The following PDS5B variants were observed in gnomAD, a reference collection of about 807,000 sequenced individuals.
PDS5B encodes the protein sister chromatid cohesion protein PDS5 homolog B.
In PDS5B, 51 loss-of-function variants were observed where a neutral mutation model predicts 184.1. The ratio of observed to expected loss-of-function variants is 0.28; its 90% CI spans 0.22 to 0.35. The LOEUF (loss-of-function observed/expected upper bound fraction) is 0.35, where lower values mean the gene tolerates loss of function less well. Among genes scored for constraint, PDS5B ranks in the 10% least tolerant of loss-of-function variants. The pLI is 1.00. For missense variants in PDS5B, 1,180 were observed against 1,723.3 expected (o/e 0.68, Z 5.58); for synonymous variants, 566 against 569.2 (o/e 0.99, Z 0.08).
chr13:32,613,242 TG>T (rs1314626132), intron 1 of PDS5B, among the ~76,000 whole-genome samples: 1 of 152,232 alleles, frequency 6.6e-6, no homozygotes, highest in Non-Finnish European at 1.5e-5. Context: ...TTCTTTCTCT[TG>T]GGTATAAACA....
rs1555312887 is a variant in PDS5B at position 32,734,015 on chromosome 13, A to ACACACACAC, written c.2248-1157_2248-1156insCACACACAC. On this transcript the variant is annotated intron_variant, in intron 20 of 34. Coordinates refer to ENST00000315596, the MANE Select transcript of PDS5B (RefSeq NM_015032.4). Reference sequence around the variant, plus strand: ...ACACACACACACACACACACACACAAACATATATTTTGTTTTCTTTTTTTT... The same window carrying ACACACACAC: ...ACACACACACACACACACACACACAACACACACACACATATATTTTGTTTTCTTTTTTTT... 6.8e-3 allele frequency among the ~76,000 whole-genome samples: 396 copies of ACACACACAC among 58,140 alleles called. 2 individuals are homozygous for ACACACACAC. Among genetic ancestry groups the ACACACACAC allele is most frequent in the African/African-American group, 0.047 (386 of 8,166 alleles). 38.1% of individuals were successfully genotyped at this position (58,140 alleles called of 152,430 possible). A position where few individuals can be genotyped will look rare whatever the true frequency, so the allele number is the denominator to read the frequency against.
At chr13:32,634,008 C>T (rs1304965720) in intron 1 of PDS5B, among the ~76,000 whole-genome samples, 1 of 152,124 alleles carries the variant, frequency 6.6e-6, no homozygotes, top group Non-Finnish European at 1.5e-5. Flanking sequence ...CTAAACTATA[C>T]TTCTCTCCTG....
chr13:32,624,613 T>C (rs2140547662), intron 1 of PDS5B, among the ~76,000 whole-genome samples: 1 of 152,230 alleles, frequency 6.6e-6, no homozygotes, highest in South Asian at 2.1e-4. Flanking sequence ...TCACTCTTGG[T>C]GTTTGGTTTT....
intron 1 of PDS5B, among the ~76,000 whole-genome samples, chr13:32,594,575 A>G (rs1368389531): frequency 6.6e-6 from 1 of 152,204 alleles, no homozygotes; most frequent in Non-Finnish European, 1.5e-5. Context: ...AGAGTACAGG[A>G]ACTATGAAAA....
intron 19 of PDS5B, among the ~76,000 whole-genome samples, chr13:32,724,846 C>G (rs1475876798): frequency 1.3e-5 from 2 of 152,186 alleles, no homozygotes; most frequent in Admixed American, 6.5e-5. Context: ...TCCCACAGTT[C>G]TGGGATTACA....
chr13:32,597,904 A>AT (rs751316988), intron 1 of PDS5B, among the ~76,000 whole-genome samples: 9 of 151,496 alleles, frequency 5.9e-5, no homozygotes, highest in East Asian at 5.8e-4. Context: ...AAAATGATGA[A>AT]TTTTTTTTTA....
chr13:32,596,245 C>G (rs1042658680), intron 1 of PDS5B, among the ~76,000 whole-genome samples: 1 of 152,202 alleles, frequency 6.6e-6, no homozygotes, highest in Non-Finnish European at 1.5e-5. Flanking sequence ...TCCAAACACT[C>G]TTTGATTTTT....
At chr13:32,714,199 C>T (rs1593489304) in intron 19 of PDS5B, among the ~76,000 whole-genome samples, 1 of 152,306 alleles carries the variant, frequency 6.6e-6, no homozygotes, top group South Asian at 2.1e-4. Flanking sequence ...GACCACAGGA[C>T]AGAGGCAAAA....
chr13:32,696,165 T>A (rs915584196), intron 14 of PDS5B, among the ~76,000 whole-genome samples: 1 of 152,138 alleles, frequency 6.6e-6, no homozygotes, highest in African/African-American at 2.4e-5. Context: ...TTTGTGTATT[T>A]ATTTGATTTA....
At chr13:32,596,941 T>C (rs2057883935) in intron 1 of PDS5B, among the ~76,000 whole-genome samples, 3 of 152,182 alleles carry the variant, frequency 2.0e-5, no homozygotes, top group South Asian at 2.1e-4. Flanking sequence ...GCTTGCCTTA[T>C]CTTTTTTTTA....
At chr13:32,774,866 C>T (rs1954905117) in intron 34 of PDS5B, 151 bp from the exon 35 acceptor site, 2 of 736,638 alleles carry the variant, frequency 2.7e-6, no homozygotes, top group Non-Finnish European at 4.6e-6. Context: ...TATGTGATGC[C>T]AGGGCAGAAA....
intron 1 of PDS5B, among the ~76,000 whole-genome samples, chr13:32,633,144 C>T (rs772117635): frequency 3.0e-4 from 46 of 152,072 alleles, no homozygotes; most frequent in Non-Finnish European, 5.4e-4. Flanking sequence ...TAGAAGTTAC[C>T]AGGGGCTGGG....
At chr13:32,623,297 A>C (rs1439751969) in intron 1 of PDS5B, among the ~76,000 whole-genome samples, 1 of 152,174 alleles carries the variant, frequency 6.6e-6, no homozygotes, top group African/African-American at 2.4e-5. Context: ...TGGCTACATG[A>C]TTCCTGATCA....
chr13:32,644,316 A>C (rs1702331789), intron 1 of PDS5B, among the ~76,000 whole-genome samples: 1 of 152,192 alleles, frequency 6.6e-6, no homozygotes, highest in Admixed American at 6.5e-5. Flanking sequence ...TTTTGGCTTA[A>C]CTATATTTTA....
intron 7 of PDS5B, 102 bp from the exon 8 acceptor site, chr13:32,673,114 A>T (rs1950979222): frequency 2.0e-6 from 2 of 1,016,806 alleles, no homozygotes; most frequent in East Asian, 4.8e-5. Flanking sequence ...GCCTAGTTTG[A>T]CTTTGTATAA....
chr13:32,643,758 G>A lies in PDS5B; in HGVS notation c.-19-4996G>A, dbSNP rs556054559. On this transcript the variant is annotated intron_variant, in intron 1 of 34. Transcript: ENST00000315596. ...TACCATATAGCCTAGGTATGTAGTA[G>A]TCTGTTCCATTTAGGTTTGTGTAAG... Among the ~76,000 whole-genome samples the A allele has an allele frequency of 9.9e-5, 15 of 152,230 alleles. No individual in the cohort carries two copies. In the East Asian group the frequency reaches 2.5e-3, roughly 25 times the overall value.
At chr13:32,719,577 T>C (rs1952597687) in intron 19 of PDS5B, among the ~76,000 whole-genome samples, 1 of 152,086 alleles carries the variant, frequency 6.6e-6, no homozygotes, top group Non-Finnish European at 1.5e-5. Flanking sequence ...TGGTTCTAGG[T>C]GTACAGTACA....
intron 17 of PDS5B, among the ~76,000 whole-genome samples, chr13:32,706,041 G>T (rs1033885711): frequency 1.3e-5 from 2 of 152,012 alleles, no homozygotes; most frequent in African/African-American, 4.8e-5. Context: ...ACTTTGAGAG[G>T]CAAAGGCGGG....
chr13:32,631,926 T>C (rs1351142466), intron 1 of PDS5B, among the ~76,000 whole-genome samples: 1 of 152,168 alleles, frequency 6.6e-6, no homozygotes, highest in Non-Finnish European at 1.5e-5. Context: ...TCAAAATTTC[T>C]AGAGGAGGAA....
Sources: gnomAD v4.1 joint callset for allele counts (sites outside exome capture counted in the v4.1 genomes callset) on GRCh38, gnomAD v4.1.1 for gene constraint, MANE v1.5 for transcripts, NCBI Gene and HGNC (gene_info 2026-07-23, HGNC 2026-07-21) for gene names.